The following SH3PXD2A variants were observed in gnomAD, a reference collection of about 807,000 sequenced individuals.
The protein encoded by SH3PXD2A is SH3 and PX domain-containing protein 2A.
In SH3PXD2A, 32 loss-of-function variants were observed where a neutral mutation model predicts 115.2. The ratio of observed to expected loss-of-function variants is 0.28; its 90% CI spans 0.21 to 0.37. SH3PXD2A has a LOEUF of 0.37. Among genes scored for constraint, SH3PXD2A ranks in the 10% least tolerant of loss-of-function variants. The probability of loss-of-function intolerance (pLI) is 1.00; values close to 1 mark genes in which losing one functional copy is unlikely to be tolerated. For missense variants in SH3PXD2A, 1,328 were observed against 1,498.7 expected (o/e 0.89, Z 1.88); for synonymous variants, 610 against 629.1 (o/e 0.97, Z 0.45).
chr10:103,597,969 T>C lies in SH3PXD2A; in HGVS notation c.*3847A>G, dbSNP rs572962440. On this transcript the variant is annotated 3_prime_UTR_variant, in exon 15 of 15. Coordinates refer to ENST00000369774, the MANE Select transcript of SH3PXD2A (RefSeq NM_001394015.1). ...AGTCCTACACCTATTCTGCAAACAC[T>C]AGTAATAGGAAAATAATGCCTGACT... 2 of 152,468 alleles carry C rather than the reference T, an allele frequency of 1.3e-5. No individual in the cohort carries two copies. Among genetic ancestry groups the C allele is most frequent in the East Asian group, 3.9e-4 (2 of 5,190 alleles). The allele number at this position is 152,468 out of a possible 1,614,324, so 9.4% of individuals were successfully genotyped here.
intron 2 of SH3PXD2A, among the ~76,000 whole-genome samples, chr10:103,788,604 C>T (rs552393589): frequency 2.1e-4 from 32 of 152,312 alleles, no homozygotes; most frequent in African/African-American, 6.7e-4. Context: ...CGGTGGCTCA[C>T]GCCTGTAATC....
chr10:103,701,627 C>T (rs1434681879), intron 5 of SH3PXD2A, among the ~76,000 whole-genome samples: 1 of 150,876 alleles, frequency 6.6e-6, no homozygotes, highest in East Asian at 2.0e-4. Flanking sequence ...ATCCATCCAT[C>T]CACCATCCAT....
chr10:103,724,231 C>T (rs766642945), intron 5 of SH3PXD2A, 39 bp downstream of exon 5: 1 of 1,222,596 alleles, frequency 8.2e-7, no homozygotes, highest in South Asian at 1.6e-5. Context: ...TTAGCCCACG[C>T]CTCCCCAGCA....
At chr10:103,820,493 G>T (rs11594668) in intron 1 of SH3PXD2A, among the ~76,000 whole-genome samples, 14,254 of 152,212 alleles carry the variant, frequency 0.094, 751 homozygotes, top group African/African-American at 0.11. Flanking sequence ...GAGGTGAGAG[G>T]AGAAACACAC....
intron 6 of SH3PXD2A, among the ~76,000 whole-genome samples, chr10:103,671,218 T>G (rs911037584): frequency 1.3e-5 from 2 of 152,218 alleles, no homozygotes; most frequent in African/African-American, 4.8e-5. Context: ...GAATAAACAC[T>G]GTAGGCTTTG....
At chr10:103,618,027 C>T (rs1218829854) in intron 10 of SH3PXD2A, among the ~76,000 whole-genome samples, 1 of 152,250 alleles carries the variant, frequency 6.6e-6, no homozygotes, top group Non-Finnish European at 1.5e-5. Flanking sequence ...TCAGGCAGCA[C>T]TGGCCCAAGT....
intron 1 of SH3PXD2A, among the ~76,000 whole-genome samples, chr10:103,831,347 G>A (rs2039481046): frequency 6.6e-6 from 1 of 152,126 alleles, no homozygotes; most frequent in Non-Finnish European, 1.5e-5. Context: ...TAGCCATTAG[G>A]GCTGTTCACT....
At chr10:103,812,713 T>A (rs1202490089) in intron 1 of SH3PXD2A, among the ~76,000 whole-genome samples, 1 of 152,052 alleles carries the variant, frequency 6.6e-6, no homozygotes, top group Non-Finnish European at 1.5e-5. Context: ...GCAGGGGAAA[T>A]GACCCCTGGG....
intron 1 of SH3PXD2A, among the ~76,000 whole-genome samples, chr10:103,847,251 T>G (rs1018727930): frequency 7.2e-5 from 11 of 152,056 alleles, no homozygotes; most frequent in Non-Finnish European, 1.2e-4. Context: ...GCTCAAGTGA[T>G]CTTCCCACTT....
intron 1 of SH3PXD2A, among the ~76,000 whole-genome samples, chr10:103,814,201 G>A (rs1015047017): frequency 2.0e-5 from 3 of 152,096 alleles, no homozygotes; most frequent in Non-Finnish European, 4.4e-5. Flanking sequence ...AAGGAGACTC[G>A]AGTTCCTTCG....
At chr10:103,821,142 CTTTT>C (rs5787500) in intron 1 of SH3PXD2A, among the ~76,000 whole-genome samples, 4 of 100,300 alleles carry the variant, frequency 4.0e-5, no homozygotes, top group Non-Finnish European at 6.1e-5. Context: ...GTCGTTCATT[CTTTT>C]TTTTTTTTTT....
Position 103,620,531 on chromosome 10 carries a change from C to T in SH3PXD2A, c.802+1939G>A, listed in dbSNP as rs1236097985. ...TGGCTGAGGGAACGGGGAGCGGAGG[C>T]CGTGGGGAAGCTCCGCTTTTCTCTT... On this transcript the variant is annotated intron_variant, in intron 10 of 14. Transcript: ENST00000369774. The surrounding 1 kb of genome is among the most constrained non-coding windows in gnomAD (Gnocchi z 5.3). Among the ~76,000 whole-genome samples the T allele has an allele frequency of 1.3e-5, 2 of 152,178 alleles. No homozygotes were observed. Among genetic ancestry groups the T allele is most frequent in the Non-Finnish European group, 2.9e-5 (2 of 68,022 alleles).
Position 103,611,621 on chromosome 10 carries a change from T to C in SH3PXD2A, c.1268A>G (p.Asn423Ser). 1 of 1,614,028 alleles carries C rather than the reference T, an allele frequency of 6.2e-7. No homozygotes were observed. The highest frequency in any genetic ancestry group is 1.1e-5 in the South Asian group (1 of 91,064). The change falls in exon 13 of 15, where the codon AAC becomes AGC. Residue 423 changes from asparagine (N) to serine (S), a missense_variant. Physicochemically the swap from Asn to Ser is conservative, Grantham distance 46 (BLOSUM62 1). Around this residue, in one of 5 missense-constraint regions of SH3PXD2A, gnomAD observed 509 missense variants for 628.3 expected, o/e 0.81. Coordinates refer to ENST00000369774, the MANE Select transcript of SH3PXD2A (RefSeq NM_001394015.1). The part of the protein sequence containing the change: ...APQRAQISSP[N>S]LRTRPPPRRE... ...GCGTGGTGGAGGTCTTGTCCGTAGGTTCGGGGAGCCTAGAGGAAGAGACAT... is the reference window on the plus strand; with the variant it reads ...GCGTGGTGGAGGTCTTGTCCGTAGGCTCGGGGAGCCTAGAGGAAGAGACAT...
rs188167118 is a variant in SH3PXD2A at position 103,715,412 on chromosome 10, G to A, written c.398+8858C>T. Among the ~76,000 whole-genome samples, 3 of 152,322 alleles carry A rather than the reference G, an allele frequency of 2.0e-5. No homozygotes were observed. The East Asian group carries it at 5.8e-4, about 29-fold the overall frequency. On this transcript the variant is annotated intron_variant, in intron 5 of 14. Coordinates refer to ENST00000369774, the MANE Select transcript of SH3PXD2A (RefSeq NM_001394015.1). ...TTGACCCTTGAGGTGATTAGCCTAC[G>A]CGGTCCCTGGCATACAGCTGGCACT...
chr10:103,854,821 C>G (rs1842925557), intron 1 of SH3PXD2A, among the ~76,000 whole-genome samples: 1 of 152,122 alleles, frequency 6.6e-6, no homozygotes, highest in Non-Finnish European at 1.5e-5. Flanking sequence ...GCTGTGTGAG[C>G]GTGAGCGCCC....
rs117176468 is a variant in SH3PXD2A, at chr10:103,696,646, C to T, written c.399-3590G>A. Among the ~76,000 whole-genome samples, 8 of 152,290 alleles carry T rather than the reference C, an allele frequency of 5.3e-5. No homozygotes were observed. In the East Asian group the frequency reaches 7.7e-4, roughly 15 times the overall value. On this transcript the variant is annotated intron_variant, in intron 5 of 14. Coordinates refer to ENST00000369774, the MANE Select transcript of SH3PXD2A (RefSeq NM_001394015.1). ...CTTCCGACTTGCTGCTGAATCATATCGGCCAGGGAGCCACAGGAAGAAGAG... is the reference window on the plus strand; with the variant it reads ...CTTCCGACTTGCTGCTGAATCATATTGGCCAGGGAGCCACAGGAAGAAGAG...
chr10:103,855,446 A>G lies in SH3PXD2A; in HGVS notation c.-180T>C. The G allele has an allele frequency of 8.0e-6, 2 of 250,550 alleles. No homozygotes were observed. The highest frequency in any genetic ancestry group is 1.6e-4 in the East Asian group (2 of 12,784). 15.5% of individuals were successfully genotyped at this position (250,550 alleles called of 1,614,324 possible). Reference sequence around the variant, plus strand: ...GCCCAGGGACGGGGGAGGGTCCCGGAGGGCGCGCGGGCTCCGTGCGCCCCG... The same window carrying G: ...GCCCAGGGACGGGGGAGGGTCCCGGGGGGCGCGCGGGCTCCGTGCGCCCCG... On this transcript the variant is annotated 5_prime_UTR_variant, in exon 1 of 15. Coordinates refer to ENST00000369774, the MANE Select transcript of SH3PXD2A (RefSeq NM_001394015.1).
intron 11 of SH3PXD2A, among the ~76,000 whole-genome samples, chr10:103,614,225 A>C (rs1190937694): frequency 3.3e-5 from 5 of 152,172 alleles, no homozygotes. Flanking sequence ...ACTGCACTCC[A>C]CTCTGGGAGA....
At chr10:103,701,911 A>G (rs2037915948) in intron 5 of SH3PXD2A, among the ~76,000 whole-genome samples, 1 of 144,218 alleles carries the variant, frequency 6.9e-6, no homozygotes, top group Non-Finnish European at 1.5e-5. Flanking sequence ...CCAGCCATCT[A>G]TCATCCAACC....
Sources: allele counts gnomAD v4.1 joint callset (sites outside exome capture counted in the v4.1 genomes callset), GRCh38; gene constraint gnomAD v4.1.1; regional missense constraint gnomAD v4.1.1; non-coding constraint Gnocchi (gnomAD v3.1); transcripts MANE v1.5; gene names NCBI Gene and HGNC (gene_info 2026-07-23, HGNC 2026-07-21).